Variants in FGF7 observed in about 807,000 individuals in gnomAD.
The protein encoded by FGF7 is fibroblast growth factor 7, also known as FGF-7.
FGF7 carries 6 observed loss-of-function variants against 20.5 expected under a neutral mutation model. The ratio of observed to expected loss-of-function variants is 0.29; its 90% CI spans 0.16 to 0.58. The LOEUF (loss-of-function observed/expected upper bound fraction) is 0.58, where lower values mean the gene tolerates loss of function less well. FGF7 is among the 20% of genes least tolerant of loss of function. The pLI, the probability that FGF7 is intolerant of heterozygous loss-of-function variation, is 0.90. For missense variants in FGF7, 144 were observed against 228.8 expected (o/e 0.63, Z 2.39); for synonymous variants, 64 against 74.7 (o/e 0.86, Z 0.74).
At chr15:49,481,298 G>A (rs1278377857) in intron 2 of FGF7, among the ~76,000 whole-genome samples, 1 of 152,158 alleles carries the variant, frequency 6.6e-6, no homozygotes, top group Admixed American at 6.5e-5. Flanking sequence ...TTCCATTTTG[G>A]AGGTATTGCA....
chr15:49,481,092 G>A (rs2055901329), intron 2 of FGF7, among the ~76,000 whole-genome samples: 1 of 152,154 alleles, frequency 6.6e-6, no homozygotes, highest in African/African-American at 2.4e-5. Context: ...AGGGAGGAAT[G>A]GCAGGAGTAA....
intron 2 of FGF7, among the ~76,000 whole-genome samples, chr15:49,450,214 A>G (rs1381338423): frequency 6.6e-6 from 1 of 152,144 alleles, no homozygotes; most frequent in East Asian, 1.9e-4. Flanking sequence ...GACTCAAGTG[A>G]CAGAAGAATA....
chr15:49,468,475 A>G (rs1197107245), intron 2 of FGF7, among the ~76,000 whole-genome samples: 2 of 152,136 alleles, frequency 1.3e-5, no homozygotes, highest in African/African-American at 2.4e-5. Context: ...TAAATCTGTT[A>G]TTTAACAGCT....
rs192549241 is a variant in FGF7, at chr15:49,444,879, C to A, written c.286+20296C>A. On this transcript the variant is annotated intron_variant, in intron 2 of 3. Transcript: ENST00000267843. Reference sequence around the variant, plus strand: ...ACCTAATGCATAAAGTTTAGCCTCTCTTTTTTTGTTTTTATCACATCTCAG... The same window carrying A: ...ACCTAATGCATAAAGTTTAGCCTCTATTTTTTTGTTTTTATCACATCTCAG... Among the ~76,000 whole-genome samples the A allele has an allele frequency of 9.9e-5, 15 of 151,722 alleles. 1 individual carries two copies. The highest frequency in any genetic ancestry group is 7.9e-4 in the Admixed American group (12 of 15,180).
chr15:49,439,430 G>T (rs568234290), intron 2 of FGF7, among the ~76,000 whole-genome samples: 31 of 151,622 alleles, frequency 2.0e-4, no homozygotes, highest in African/African-American at 2.9e-4. Context: ...AGTAAAACGT[G>T]GGGGGAGGGA....
intron 2 of FGF7, among the ~76,000 whole-genome samples, chr15:49,433,706 G>C (rs1452084799): frequency 2.0e-5 from 3 of 151,564 alleles, no homozygotes; most frequent in African/African-American, 7.3e-5. Context: ...AGTTACCACT[G>C]GTGACACTGG....
chr15:49,442,703 C>T (rs1255337130), intron 2 of FGF7, among the ~76,000 whole-genome samples: 1 of 151,688 alleles, frequency 6.6e-6, no homozygotes, highest in Non-Finnish European at 1.5e-5. Flanking sequence ...AGGAAATCTA[C>T]TAGCATGGTT....
intron 2 of FGF7, among the ~76,000 whole-genome samples, chr15:49,450,273 T>G (rs1166077748): frequency 6.6e-6 from 1 of 152,148 alleles, no homozygotes; most frequent in Non-Finnish European, 1.5e-5. Context: ...TCATCATCTT[T>G]TAGCAGTTTC....
chr15:49,483,330 A>C, intron 3 of FGF7, 76 bp downstream of exon 3: 1 of 743,724 alleles, frequency 1.3e-6, no homozygotes, highest in Non-Finnish European at 2.3e-6. Flanking sequence ...CTGAAAAGTA[A>C]AAATGGAATT....
At chr15:49,441,624 A>T (rs2051653311) in intron 2 of FGF7, among the ~76,000 whole-genome samples, 1 of 151,650 alleles carries the variant, frequency 6.6e-6, no homozygotes, top group African/African-American at 2.4e-5. Context: ...TTTTCTTCTG[A>T]TTCACCACAG....
chr15:49,474,351 G>A (rs2055052684), intron 2 of FGF7, among the ~76,000 whole-genome samples: 1 of 152,160 alleles, frequency 6.6e-6, no homozygotes, highest in African/African-American at 2.4e-5. Context: ...CTGTTATGTG[G>A]AAATGGTATT....
At chr15:49,429,429 A>G (rs1317362775) in intron 2 of FGF7, among the ~76,000 whole-genome samples, 1 of 151,974 alleles carries the variant, frequency 6.6e-6, no homozygotes, top group Non-Finnish European at 1.5e-5. Context: ...AAGTTCATTC[A>G]TTGCCACGAG....
chr15:49,467,903 C>T (rs1017645991), intron 2 of FGF7, among the ~76,000 whole-genome samples: 2 of 152,118 alleles, frequency 1.3e-5, no homozygotes, highest in Non-Finnish European at 2.9e-5. Flanking sequence ...CTGTGCAATA[C>T]AGTTCAATGA....
intron 2 of FGF7, among the ~76,000 whole-genome samples, chr15:49,448,505 T>A (rs997637240): frequency 5.9e-5 from 9 of 151,720 alleles, no homozygotes; most frequent in African/African-American, 2.2e-4. Context: ...TTTATTGTTT[T>A]AAAAAACTCC....
intron 2 of FGF7, chr15:49,424,851 G>A: frequency 4.2e-6 from 1 of 240,842 alleles, no homozygotes; most frequent in Non-Finnish European, 8.0e-6. Context: ...CATAAGTTAA[G>A]CAAAATGTAA....
At chr15:49,452,937 C>T (rs966855973) in intron 2 of FGF7, among the ~76,000 whole-genome samples, 1 of 152,086 alleles carries the variant, frequency 6.6e-6, no homozygotes, top group African/African-American at 2.4e-5. Context: ...GAATTTATCA[C>T]TTTAAATTTT....
At chr15:49,476,627 ATT>A (rs1316238521) in intron 2 of FGF7, among the ~76,000 whole-genome samples, 3 of 152,080 alleles carry the variant, frequency 2.0e-5, no homozygotes, top group African/African-American at 7.2e-5. Flanking sequence ...TGTTCTATAT[ATT>A]TTGGACATAA....
chr15:49,469,512 A>G (rs1160349512), intron 2 of FGF7, among the ~76,000 whole-genome samples: 3 of 152,088 alleles, frequency 2.0e-5, no homozygotes, highest in Non-Finnish European at 1.5e-5. Flanking sequence ...CCTTTCTTAG[A>G]GTCAGAACAA....
rs117448541 is a variant in FGF7, at chr15:49,433,025, A to G, written c.286+8442A>G. ...TACTTTTCGAAAAAGTAGTTGGAGCAAAATTTGTTGCTATTTCAATTATTT... is the reference window on the plus strand; with the variant it reads ...TACTTTTCGAAAAAGTAGTTGGAGCGAAATTTGTTGCTATTTCAATTATTT... On this transcript the variant is annotated intron_variant, in intron 2 of 3. Coordinates refer to ENST00000267843, the MANE Select transcript of FGF7 (RefSeq NM_002009.4). Among the ~76,000 whole-genome samples, 64 of 151,706 alleles carry G rather than the reference A, an allele frequency of 4.2e-4. 3 individuals are homozygous for G. The East Asian group carries it at 0.012, about 28-fold the overall frequency.
Sources: gnomAD v4.1 joint callset for allele counts (sites outside exome capture counted in the v4.1 genomes callset) on GRCh38, gnomAD v4.1.1 for gene constraint, MANE v1.5 for transcripts, NCBI Gene and HGNC (gene_info 2026-07-23, HGNC 2026-07-21) for gene names.